The following ARHGAP23 variants were observed in gnomAD, a reference collection of about 807,000 sequenced individuals.
The protein encoded by ARHGAP23 is Rho GTPase activating protein 23.
ARHGAP23 carries 34 observed loss-of-function variants against 136.3 expected under a neutral mutation model. The observed-to-expected ratio is 0.25, with a 90% CI of 0.19 to 0.33. ARHGAP23 has a LOEUF of 0.33. Among genes scored for constraint, ARHGAP23 ranks in the 10% least tolerant of loss-of-function variants. The pLI, the probability that ARHGAP23 is intolerant of heterozygous loss-of-function variation, is 1.00. For synonymous variants in ARHGAP23, 832 were observed against 920.5 expected (o/e 0.90, Z 1.74); for missense variants, 1,808 against 2,139.0 (o/e 0.85, Z 3.05).
intron 1 of ARHGAP23, among the ~76,000 whole-genome samples, chr17:38,439,277 T>C (rs1480100482): frequency 6.6e-6 from 1 of 152,168 alleles, no homozygotes; most frequent in Non-Finnish European, 1.5e-5. Flanking sequence ...CTCTGCCTTT[T>C]CCATTTCTCC....
chr17:38,434,794 G>A (rs551346080), intron 1 of ARHGAP23, among the ~76,000 whole-genome samples: 20 of 152,354 alleles, frequency 1.3e-4, no homozygotes, highest in African/African-American at 4.8e-4. Flanking sequence ...TTCCCCAAAA[G>A]TGTGAGAGCT....
At chr17:38,460,110 G>T (rs2144616212) in intron 2 of ARHGAP23, among the ~76,000 whole-genome samples, 1 of 152,294 alleles carries the variant, frequency 6.6e-6, no homozygotes, top group East Asian at 1.9e-4. Context: ...GACTTAGCCT[G>T]TTCCTCTGAC....
chr17:38,492,156 A>G (rs2040293019), intron 20 of ARHGAP23, among the ~76,000 whole-genome samples: 1 of 152,184 alleles, frequency 6.6e-6, no homozygotes, highest in African/African-American at 2.4e-5. Flanking sequence ...GTTACTGTGC[A>G]TGGGCGGAGG....
rs892657038 is a variant in ARHGAP23, at chr17:38,479,949, G to C, written c.2629+66G>C. ...AGGGGGCATGGGGAGGGGAGGGCAC[G>C]CGTGTGTGTGTTGGGCTGTGTCTGC... On this transcript the variant is annotated intron_variant, in intron 14 of 23. Transcript: ENST00000622683. 9.8e-6 allele frequency: 15 copies of C among 1,530,402 alleles called. 1 individual carries two copies. Among genetic ancestry groups the C allele is most frequent in the Non-Finnish European group, 1.1e-5 (13 of 1,135,200 alleles). The allele number at this position is 1,530,402 out of a possible 1,614,324, so 94.8% of individuals were successfully genotyped here.
intron 17 of ARHGAP23, among the ~76,000 whole-genome samples, chr17:38,487,977 C>T (rs1431109369): frequency 2.0e-5 from 3 of 152,182 alleles, no homozygotes; most frequent in Admixed American, 2.0e-4. Context: ...TCATGGCTCA[C>T]TGCAGCCTCA....
At chr17:38,420,279 G>A (rs1402035689) in intron 1 of ARHGAP23, among the ~76,000 whole-genome samples, 1 of 152,216 alleles carries the variant, frequency 6.6e-6, no homozygotes, top group East Asian at 1.9e-4. Context: ...AGAGCGAGGG[G>A]GCTGCTCCAG....
chr17:38,429,319 C>A (rs916432894), intron 1 of ARHGAP23, among the ~76,000 whole-genome samples: 78 of 152,360 alleles, frequency 5.1e-4, no homozygotes, highest in African/African-American at 1.8e-3. Context: ...CCCATCCCCC[C>A]ATCAGGGCCA....
chr17:38,441,451 C>T (rs905092450), intron 1 of ARHGAP23, among the ~76,000 whole-genome samples: 1 of 152,180 alleles, frequency 6.6e-6, no homozygotes, highest in South Asian at 2.1e-4. Context: ...CCTCTTCCCC[C>T]ACCTTCTTCC....
At chr17:38,434,857 G>A (rs2038760345) in intron 1 of ARHGAP23, among the ~76,000 whole-genome samples, 1 of 152,204 alleles carries the variant, frequency 6.6e-6, no homozygotes, top group Non-Finnish European at 1.5e-5. Flanking sequence ...AGGAGGGAGA[G>A]GTGGGGACCT....
intron 2 of ARHGAP23, among the ~76,000 whole-genome samples, chr17:38,459,287 G>T (rs992986414): frequency 6.6e-6 from 1 of 152,178 alleles, no homozygotes; most frequent in Non-Finnish European, 1.5e-5. Flanking sequence ...TGTGCATCGC[G>T]TGCTGGCCAT....
upstream of ARHGAP23, among the ~76,000 whole-genome samples, chr17:38,425,525 C>T (rs563043583): frequency 6.6e-6 from 1 of 152,314 alleles, no homozygotes; most frequent in South Asian, 2.1e-4. Context: ...ACCTACCCCA[C>T]CCCCTCCTCT....
intron 17 of ARHGAP23, among the ~76,000 whole-genome samples, chr17:38,488,672 C>T (rs987612512): frequency 9.9e-5 from 15 of 152,122 alleles, no homozygotes; most frequent in Middle Eastern, 3.4e-3. Flanking sequence ...CCTCAGTCTC[C>T]CGAACAGCTG....
In ARHGAP23 at chr17:38,508,029, G is replaced by T. The variant is rs575116399; in HGVS notation, c.3448-1915G>T. Among the ~76,000 whole-genome samples the T allele has an allele frequency of 2.6e-5, 4 of 152,348 alleles. No individual in the cohort carries two copies. The South Asian group carries it at 8.3e-4, about 32-fold the overall frequency. On this transcript the variant is annotated intron_variant, in intron 23 of 23. Coordinates refer to ENST00000622683, the MANE Select transcript of ARHGAP23 (RefSeq NM_001199417.2). Reference sequence around the variant, plus strand: ...GCTTCTACAAGGCTTCCTGTGTTAAGGGGACTTCATTCACCAATTGTTTGT... The same window carrying T: ...GCTTCTACAAGGCTTCCTGTGTTAATGGGACTTCATTCACCAATTGTTTGT...
chr17:38,434,736 T>C (rs1447324344), intron 1 of ARHGAP23, among the ~76,000 whole-genome samples: 3 of 152,276 alleles, frequency 2.0e-5, no homozygotes, highest in Non-Finnish European at 4.4e-5. Context: ...ATCTGACTTC[T>C]GTCTGGCTCT....
intron 23 of ARHGAP23, among the ~76,000 whole-genome samples, chr17:38,509,171 C>G (rs1465659363): frequency 1.3e-5 from 2 of 152,074 alleles, no homozygotes; most frequent in Admixed American, 6.6e-5. Flanking sequence ...TGTGAAAGGC[C>G]AAGGCCCCAA....
intron 1 of ARHGAP23, among the ~76,000 whole-genome samples, chr17:38,439,519 C>T (rs963868198): frequency 2.0e-5 from 3 of 152,162 alleles, no homozygotes; most frequent in African/African-American, 7.2e-5. Flanking sequence ...GCATTGCCCA[C>T]CAATAATAAT....
At chr17:38,444,814 T>C (rs2038995565) in intron 1 of ARHGAP23, among the ~76,000 whole-genome samples, 1 of 146,708 alleles carries the variant, frequency 6.8e-6, no homozygotes, top group Admixed American at 6.7e-5. Flanking sequence ...TGTTTCATCT[T>C]TCAACATTTT....
intron 14 of ARHGAP23, among the ~76,000 whole-genome samples, chr17:38,480,974 TA>T (rs998003565): frequency 5.3e-5 from 8 of 151,712 alleles, no homozygotes; most frequent in African/African-American, 1.5e-4. Context: ...CCCTACAAAA[TA>T]TTTTTTTTAT....
chr17:38,463,727 G>T (rs1251665002), intron 6 of ARHGAP23, among the ~76,000 whole-genome samples: 1 of 152,026 alleles, frequency 6.6e-6, no homozygotes, highest in African/African-American at 2.4e-5. Context: ...GGTGTCTCTG[G>T]TGGGTGTGTC....
Sources: allele counts gnomAD v4.1 joint callset (sites outside exome capture counted in the v4.1 genomes callset), GRCh38; gene constraint gnomAD v4.1.1; transcripts MANE v1.5; gene names NCBI Gene and HGNC (gene_info 2026-07-23, HGNC 2026-07-21).